The following MC2R variants were observed in gnomAD, a reference collection of about 807,000 sequenced individuals.
MC2R encodes the protein melanocortin 2 receptor.
In MC2R, 9 loss-of-function variants were observed where a neutral mutation model predicts 9.8. The ratio of observed to expected loss-of-function variants is 0.92; its 90% confidence interval spans 0.55 to 1.60. MC2R has a LOEUF of 1.60. Ranked by LOEUF, MC2R falls within the 40% of genes most tolerant of loss-of-function variation. MC2R has a pLI of 0.00. For missense variants in MC2R, 370 were observed against 389.0 expected (o/e 0.95, Z 0.41); for synonymous variants, 185 against 154.7 (o/e 1.20, Z -1.45).
At chr18:13,896,920 C>A (rs1397802084) in intron 1 of MC2R, among the ~76,000 whole-genome samples, 2 of 152,182 alleles carry the variant, frequency 1.3e-5, no homozygotes, top group African/African-American at 4.8e-5. Context: ...ATTAAAATCA[C>A]AGCTCAACAT....
In MC2R at chr18:13,885,203, T is replaced by C. The variant is rs2045267811; in HGVS notation, c.316A>G (p.Ile106Val). 1 of 1,614,054 alleles carries C rather than the reference T, an allele frequency of 6.2e-7. No homozygotes were observed. Among genetic ancestry groups the C allele is most frequent in the Non-Finnish European group, 8.5e-7 (1 of 1,180,036 alleles). The stretch of plus-strand genomic sequence containing the variant: ...AGGGAGAGGACAAACAGGGAGTCGA[T>C]GATGTCATCGGCTGTGGTTTCAAAA... ...GSFETTADDI[I>V]DSLFVLSLLG... Residue 106 changes from isoleucine to valine, a missense_variant, in exon 2 of 2, where the codon ATC becomes GTC. By Grantham distance (29) the Ile-to-Val change is conservative (BLOSUM62 3). Coordinates refer to ENST00000327606, the MANE Select transcript of MC2R (RefSeq NM_000529.2).
chr18:13,906,501 T>C (rs905414333), intron 1 of MC2R, among the ~76,000 whole-genome samples: 3 of 152,142 alleles, frequency 2.0e-5, no homozygotes, highest in Non-Finnish European at 2.9e-5. Context: ...GGTACATGTA[T>C]ACCTATGTAA....
At chr18:13,892,328 A>C (rs1459532237) in intron 1 of MC2R, among the ~76,000 whole-genome samples, 1 of 152,202 alleles carries the variant, frequency 6.6e-6, no homozygotes, top group Non-Finnish European at 1.5e-5. Context: ...TCAAACTTAG[A>C]AAACAGAGGA....
intron 1 of MC2R, among the ~76,000 whole-genome samples, chr18:13,899,553 C>T (rs1249115972): frequency 2.0e-5 from 3 of 152,036 alleles, no homozygotes; most frequent in Non-Finnish European, 2.9e-5. Context: ...ATAAGACTAC[C>T]TCAAGGCATT....
At chr18:13,914,355 G>T (rs1261962742) in intron 1 of MC2R, among the ~76,000 whole-genome samples, 3 of 152,164 alleles carry the variant, frequency 2.0e-5, no homozygotes, top group Non-Finnish European at 4.4e-5. Flanking sequence ...GCTGTCCTCA[G>T]CGCCGGGGCT....
chr18:13,898,328 T>C (rs2045358624), intron 1 of MC2R, among the ~76,000 whole-genome samples: 1 of 152,190 alleles, frequency 6.6e-6, no homozygotes, highest in African/African-American at 2.4e-5. Context: ...GACTGTGTCT[T>C]GTGGTTTGAG....
At chr18:13,888,940 C>T (rs1567897039) in intron 1 of MC2R, among the ~76,000 whole-genome samples, 1 of 152,210 alleles carries the variant, frequency 6.6e-6, no homozygotes, top group Non-Finnish European at 1.5e-5. Flanking sequence ...GTCTGCTGTC[C>T]TCTCCCATTT....
chr18:13,886,402 T>G (rs2045276508), intron 1 of MC2R, among the ~76,000 whole-genome samples: 1 of 152,174 alleles, frequency 6.6e-6, no homozygotes, highest in Non-Finnish European at 1.5e-5. Context: ...GATGAACAGA[T>G]GAACAGCAGC....
At chr18:13,903,156 C>G (rs117499218) in intron 1 of MC2R, among the ~76,000 whole-genome samples, 4,674 of 152,212 alleles carry the variant, frequency 0.031, 194 homozygotes, top group East Asian at 0.18. Context: ...CATCTTACCC[C>G]AGTTAAAATG....
chr18:13,892,904 G>A (rs1011082653), intron 1 of MC2R, among the ~76,000 whole-genome samples: 20 of 151,850 alleles, frequency 1.3e-4, no homozygotes, highest in Non-Finnish European at 2.6e-4. Context: ...ATGGCTCACT[G>A]CAGCCTCAAC....
At chr18:13,898,668 A>AAG (rs565627855) in intron 1 of MC2R, among the ~76,000 whole-genome samples, 84 of 152,262 alleles carry the variant, frequency 5.5e-4, no homozygotes, top group African/African-American at 1.2e-3. Flanking sequence ...GGTGGCTCAG[A>AAG]AGAGAGAGAG....
intron 1 of MC2R, among the ~76,000 whole-genome samples, chr18:13,906,722 A>G (rs2045416751): frequency 6.6e-6 from 1 of 152,232 alleles, no homozygotes; most frequent in Non-Finnish European, 1.5e-5. Flanking sequence ...AATTAGTAAC[A>G]CTTATATACA....
chr18:13,897,129 A>G (rs959035103), intron 1 of MC2R, among the ~76,000 whole-genome samples: 1 of 152,204 alleles, frequency 6.6e-6, no homozygotes, highest in African/African-American at 2.4e-5. Context: ...GGTAGAGAAA[A>G]CAGTCTCAAA....
chr18:13,900,627 T>C (rs1207281906), intron 1 of MC2R, among the ~76,000 whole-genome samples: 1 of 152,022 alleles, frequency 6.6e-6, no homozygotes, highest in African/African-American at 2.4e-5. Flanking sequence ...CAAAATAAAT[T>C]TCAAGACAAA....
Position 13,884,513 on chromosome 18 carries a change from T to C in MC2R, c.*112A>G, listed in dbSNP as rs1018424214. On this transcript the variant is annotated 3_prime_UTR_variant, in exon 2 of 2. Coordinates refer to ENST00000327606, the MANE Select transcript of MC2R (RefSeq NM_000529.2). ...ACTAGCTGGTGGGATCATCCTTGCATCCATTAGGGAAGGAAGGCCAGTGAG... is the reference window on the plus strand; with the variant it reads ...ACTAGCTGGTGGGATCATCCTTGCACCCATTAGGGAAGGAAGGCCAGTGAG... 4.3e-6 allele frequency: 5 copies of C among 1,173,446 alleles called. No homozygotes were observed. Among genetic ancestry groups the C allele is most frequent in the Non-Finnish European group, 6.3e-6 (5 of 795,118 alleles). The allele number at this position is 1,173,446 out of a possible 1,614,324, so 72.7% of individuals were successfully genotyped here.
At position 13,885,604 on chromosome 18, in the gene MC2R, T is replaced by G; in HGVS notation, c.-86A>C. 7.0e-7 allele frequency: 1 copy of G among 1,432,472 alleles called. No homozygotes were observed. Among genetic ancestry groups the G allele is most frequent in the Admixed American group, 1.8e-5 (1 of 55,030 alleles). The allele number at this position is 1,432,472 out of a possible 1,614,324, so 88.7% of individuals were successfully genotyped here. ...TTGATTCTTCAGGATCTTTTCTTCC[T>G]TGTAGCACTTGCTGGAGATCTAAGT... On this transcript the variant is annotated 5_prime_UTR_variant, in exon 2 of 2. Coordinates refer to ENST00000327606, the MANE Select transcript of MC2R (RefSeq NM_000529.2).
chr18:13,901,685 G>A (rs2045381039), intron 1 of MC2R, among the ~76,000 whole-genome samples: 1 of 152,070 alleles, frequency 6.6e-6, no homozygotes, highest in African/African-American at 2.4e-5. Context: ...GAACCAGGAA[G>A]AAATCCAAAA....
At chr18:13,886,070 C>T (rs1373554496) in intron 1 of MC2R, among the ~76,000 whole-genome samples, 6 of 126,372 alleles carry the variant, frequency 4.7e-5, no homozygotes, top group Non-Finnish European at 6.3e-5. Context: ...ATTGGAGACT[C>T]GGAAGGGTGG....
chr18:13,898,344 G>A (rs957738144), intron 1 of MC2R, among the ~76,000 whole-genome samples: 7 of 152,214 alleles, frequency 4.6e-5, no homozygotes, highest in African/African-American at 1.4e-4. Flanking sequence ...TTGAGTGTCA[G>A]CTCAGCCACA....
Sources: allele counts gnomAD v4.1 joint callset (sites outside exome capture counted in the v4.1 genomes callset), GRCh38; gene constraint gnomAD v4.1.1; transcripts MANE v1.5; gene names NCBI Gene and HGNC (gene_info 2026-07-23, HGNC 2026-07-21).